The following TTLL11 variants were observed in gnomAD, a reference collection of about 807,000 sequenced individuals.
TTLL11 encodes the protein tubulin polyglutamylase TTLL11.
TTLL11 carries 42 observed loss-of-function variants against 51.7 expected under a neutral mutation model. That is an observed-to-expected ratio of 0.81 (90% confidence interval 0.64 to 1.05). TTLL11 has a LOEUF of 1.05. Among genes scored for constraint, TTLL11 ranks in the 50% least tolerant of loss-of-function variants. TTLL11 has a pLI of 0.00. For synonymous variants in TTLL11, 381 were observed against 383.5 expected (o/e 0.99, Z 0.08); for missense variants, 799 against 940.4 (o/e 0.85, Z 1.97).
chr9:121,919,592 C>T (rs1169272198), intron 6 of TTLL11, among the ~76,000 whole-genome samples: 1 of 152,154 alleles, frequency 6.6e-6, no homozygotes, highest in Non-Finnish European at 1.5e-5. Flanking sequence ...TTCAAAGATT[C>T]GCTTTGTCCA....
At chr9:121,846,255 C>T (rs1255240227) in intron 8 of TTLL11, among the ~76,000 whole-genome samples, 2 of 152,056 alleles carry the variant, frequency 1.3e-5, no homozygotes, top group African/African-American at 2.4e-5. Flanking sequence ...CATGTATGCA[C>T]CTAACAATGG....
chr9:121,891,503 T>C (rs535660143), intron 6 of TTLL11, among the ~76,000 whole-genome samples: 6 of 152,274 alleles, frequency 3.9e-5, no homozygotes, highest in Admixed American at 3.9e-4. Flanking sequence ...CTTCCATAAT[T>C]TGTCATCTCT....
At chr9:121,956,032 T>G (rs1842004959) in intron 6 of TTLL11, among the ~76,000 whole-genome samples, 1 of 152,242 alleles carries the variant, frequency 6.6e-6, no homozygotes, top group Non-Finnish European at 1.5e-5. Flanking sequence ...ATATGTTTAC[T>G]GATCATGAAT....
chr9:121,903,104 C>T (rs1839826869), intron 6 of TTLL11, among the ~76,000 whole-genome samples: 2 of 152,164 alleles, frequency 1.3e-5, no homozygotes, highest in South Asian at 2.1e-4. Context: ...AATGGGCCAA[C>T]TCTCAGAGGC....
chr9:121,906,064 G>A (rs1839934231), intron 6 of TTLL11, among the ~76,000 whole-genome samples: 1 of 152,188 alleles, frequency 6.6e-6, no homozygotes, highest in Non-Finnish European at 1.5e-5. Flanking sequence ...ACAAATATGG[G>A]CTTAAAAATA....
At chr9:122,021,352 T>C (rs1324968412) in intron 3 of TTLL11, among the ~76,000 whole-genome samples, 8 of 152,154 alleles carry the variant, frequency 5.3e-5, no homozygotes, top group Admixed American at 5.2e-4. Flanking sequence ...GACAGAGTAC[T>C]GGGAAGGACA....
intron 6 of TTLL11, among the ~76,000 whole-genome samples, chr9:121,910,598 A>G (rs1840079516): frequency 6.6e-6 from 1 of 152,226 alleles, no homozygotes. Flanking sequence ...CACATTCATC[A>G]TTAAAACAAA....
intron 6 of TTLL11, among the ~76,000 whole-genome samples, chr9:121,916,887 T>C (rs1840344462): frequency 6.6e-6 from 1 of 152,190 alleles, no homozygotes; most frequent in South Asian, 2.1e-4. Flanking sequence ...CTCAGCTGCC[T>C]AGGTATTTGA....
At chr9:122,054,225 C>T (rs1564377083) in intron 1 of TTLL11, among the ~76,000 whole-genome samples, 1 of 151,816 alleles carries the variant, frequency 6.6e-6, no homozygotes, top group Non-Finnish European at 1.5e-5. Context: ...GCCTTGCTTC[C>T]GCTTGTGATT....
intron 5 of TTLL11, among the ~76,000 whole-genome samples, chr9:121,974,566 T>C (rs7872083): frequency 0.12 from 17,974 of 152,190 alleles, 2,064 homozygotes; most frequent in African/African-American, 0.3. Context: ...GACTAAATCA[T>C]ACTCATAGAA....
At chr9:121,888,081 G>T (rs1839083401) in intron 6 of TTLL11, among the ~76,000 whole-genome samples, 4 of 152,196 alleles carry the variant, frequency 2.6e-5, no homozygotes, top group Admixed American at 2.6e-4. Flanking sequence ...TCCAGTTCCT[G>T]GCTCTATCCC....
In TTLL11 at chr9:122,050,685, G is replaced by A. The variant is rs181131776; in HGVS notation, c.463-11317C>T. ...TGGCATACAGCAGAAGTGATAAGCC[G>A]TCACTTCTGATATTTAGGATATTTT... On this transcript the variant is annotated intron_variant, in intron 1 of 8. Coordinates refer to ENST00000321582, the MANE Select transcript of TTLL11 (RefSeq NM_001139442.2). Among the ~76,000 whole-genome samples, 21 of 152,140 alleles carry A rather than the reference G, an allele frequency of 1.4e-4. No homozygotes were observed. In the East Asian group the frequency reaches 2.7e-3, roughly 20 times the overall value.
Position 121,995,322 on chromosome 9 carries a change from G to C in TTLL11, c.694-5552C>G, listed in dbSNP as rs988867570. On this transcript the variant is annotated intron_variant, in intron 3 of 8. Coordinates refer to ENST00000321582, the MANE Select transcript of TTLL11 (RefSeq NM_001139442.2). The surrounding 1 kb of genome is among the most constrained non-coding windows in gnomAD (Gnocchi z 4.4). ...CAACTGGCGAGGGACATGCATCCAC[G>C]CATCACCAGGGCACCCAGGAGGAAG... Among the ~76,000 whole-genome samples, 2 of 152,184 alleles carry C rather than the reference G, an allele frequency of 1.3e-5. No individual in the cohort carries two copies. The highest frequency in any genetic ancestry group is 6.5e-5 in the Admixed American group (1 of 15,282).
chr9:121,926,537 T>C (rs1588130080), intron 6 of TTLL11, among the ~76,000 whole-genome samples: 1 of 152,134 alleles, frequency 6.6e-6, no homozygotes, highest in Non-Finnish European at 1.5e-5. Context: ...CTGGAGGTGG[T>C]GCTCTTCCTG....
chr9:121,958,081 T>C (rs1378925981), intron 6 of TTLL11, among the ~76,000 whole-genome samples: 2 of 152,214 alleles, frequency 1.3e-5, no homozygotes, highest in African/African-American at 4.8e-5. Flanking sequence ...GTGCCTTATT[T>C]GGTCCTCACA....
chr9:121,939,797 C>G (rs1378674084), intron 6 of TTLL11, among the ~76,000 whole-genome samples: 1 of 152,084 alleles, frequency 6.6e-6, no homozygotes, highest in East Asian at 1.9e-4. Flanking sequence ...CTGCACCCAG[C>G]CCAGCCTGCA....
chr9:121,885,325 G>A (rs553666626), intron 6 of TTLL11: 1 of 152,296 alleles, frequency 6.6e-6, no homozygotes, highest in East Asian at 1.9e-4. Flanking sequence ...TGGTTTCTGG[G>A]GACTTGTACA....
At chr9:122,025,634 A>G (rs79384638) in intron 3 of TTLL11, among the ~76,000 whole-genome samples, 1,644 of 152,254 alleles carry the variant, frequency 0.011, 37 homozygotes, top group African/African-American at 0.038. Context: ...AAATAAATAA[A>G]TAGACTGACC....
At chr9:121,900,789 T>C (rs1481193821) in intron 6 of TTLL11, among the ~76,000 whole-genome samples, 1 of 152,208 alleles carries the variant, frequency 6.6e-6, no homozygotes, top group African/African-American at 2.4e-5. Context: ...TTAAACCCAC[T>C]GAGTTCCTAT....
Sources: allele counts gnomAD v4.1 joint callset (sites outside exome capture counted in the v4.1 genomes callset), GRCh38; gene constraint gnomAD v4.1.1; non-coding constraint Gnocchi (gnomAD v3.1); transcripts MANE v1.5; gene names NCBI Gene and HGNC (gene_info 2026-07-23, HGNC 2026-07-21).